Variants in CCDC91 observed in about 807,000 individuals in gnomAD.
The protein encoded by CCDC91 is coiled-coil domain-containing protein 91.
A neutral mutation model predicts 63.2 loss-of-function variants in CCDC91; 48 were observed. The ratio of observed to expected loss-of-function variants is 0.76; its 90% CI spans 0.60 to 0.97. The LOEUF (loss-of-function observed/expected upper bound fraction) is 0.97, where lower values mean the gene tolerates loss of function less well. Ranked by LOEUF, CCDC91 falls within the 50% of genes least tolerant of loss-of-function variation. The probability of loss-of-function intolerance (pLI) is 0.00; values close to 1 mark genes in which losing one functional copy is unlikely to be tolerated. For missense variants in CCDC91, 500 were observed against 494.6 expected, an observed-to-expected ratio of 1.01 and a Z score of -0.10; for synonymous variants, 167 against 165.8, an observed-to-expected ratio of 1.01 and a Z score of -0.06.
intron 3 of CCDC91, among the ~76,000 whole-genome samples, chr12:28,267,407 C>G (rs1279099652): frequency 6.6e-6 from 1 of 150,954 alleles, no homozygotes; most frequent in Non-Finnish European, 1.5e-5. Flanking sequence ...ATTAATGTAA[C>G]TAGTTATTTT....
At chr12:28,274,416 A>G (rs527850425) in intron 3 of CCDC91, among the ~76,000 whole-genome samples, 14 of 152,248 alleles carry the variant, frequency 9.2e-5, no homozygotes, top group South Asian at 4.2e-4. Context: ...CATTGAATCT[A>G]TAAATTACCT....
chr12:28,207,050 G>A (rs533021499), intron 1 of CCDC91, among the ~76,000 whole-genome samples: 3 of 152,350 alleles, frequency 2.0e-5, no homozygotes, highest in Admixed American at 2.0e-4. Context: ...GATTATCCAT[G>A]TATAAGGCTG....
intron 8 of CCDC91, among the ~76,000 whole-genome samples, chr12:28,408,747 A>G (rs1467092836): frequency 6.6e-6 from 1 of 151,884 alleles, no homozygotes; most frequent in Non-Finnish European, 1.5e-5. Context: ...GGTTCATGCA[A>G]TTCTCTTGCC....
chr12:28,445,529 G>A (rs754441499), intron 8 of CCDC91, among the ~76,000 whole-genome samples: 11 of 152,220 alleles, frequency 7.2e-5, no homozygotes, highest in Non-Finnish European at 1.6e-4. Flanking sequence ...CTAGAAAGCT[G>A]TGGGAAATAC....
chr12:28,291,377 G>A lies in CCDC91; in HGVS notation c.110-14272G>A, dbSNP rs145589711. Among the ~76,000 whole-genome samples the A allele has an allele frequency of 8.2e-3, 1,246 of 152,294 alleles. 6 individuals carry two copies. Among genetic ancestry groups the A allele is most frequent in the Non-Finnish European group, 0.011 (766 of 68,028 alleles). ...GCATTGGTTGTGCAACATGTGGTCA[G>A]GCATTGTCATGGACAAGAATTGGGC... On this transcript the variant is annotated intron_variant, in intron 3 of 12. Transcript: ENST00000536442.
At chr12:28,242,558 G>C (rs1182135847) in intron 1 of CCDC91, among the ~76,000 whole-genome samples, 1 of 152,274 alleles carries the variant, frequency 6.6e-6, no homozygotes, top group East Asian at 1.9e-4. Context: ...GGACTTGGAG[G>C]CTCCACCAGT....
At chr12:28,357,670 TG>T (rs1943609933) in intron 6 of CCDC91, among the ~76,000 whole-genome samples, 1 of 152,138 alleles carries the variant, frequency 6.6e-6, no homozygotes, top group South Asian at 2.1e-4. Flanking sequence ...GTGCCCTTAT[TG>T]AACAATACCT....
At position 28,211,762 on chromosome 12, in the gene CCDC91, C is replaced by CT. The variant is rs551753735; in HGVS notation, c.-15+21133dup. ...GTTCTCTTGATTAACTTAGCCAGTT[C>CT]TTTTTTTTTTTTCTTACCTAAGCAC... On this transcript the variant is annotated intron_variant, in intron 1 of 12. Transcript: ENST00000536442. Among the ~76,000 whole-genome samples the CT allele has an allele frequency of 4.4e-3, 637 of 144,934 alleles. 1 individual carries two copies. The highest frequency in any genetic ancestry group is 0.014 in the South Asian group (64 of 4,578).
At chr12:28,441,220 T>C (rs1021364135) in intron 8 of CCDC91, among the ~76,000 whole-genome samples, 51 of 152,072 alleles carry the variant, frequency 3.4e-4, no homozygotes, top group African/African-American at 1.2e-3. Context: ...TCCAGTAAAA[T>C]AGCTAAAATT....
At chr12:28,271,720 A>G (rs1947777677) in intron 3 of CCDC91, among the ~76,000 whole-genome samples, 1 of 151,896 alleles carries the variant, frequency 6.6e-6, no homozygotes, top group South Asian at 2.1e-4. Context: ...TTAACTCACT[A>G]AAACCTGAAA....
rs1027211062 is a variant in CCDC91, at chr12:28,490,566, A to G, written c.1215+6401A>G. Among the ~76,000 whole-genome samples, 6 of 152,016 alleles carry G rather than the reference A, an allele frequency of 3.9e-5. No homozygotes were observed. In the Admixed American group the frequency reaches 3.9e-4, roughly 10 times the overall value. On this transcript the variant is annotated intron_variant, in intron 12 of 12. Coordinates refer to ENST00000536442, the MANE Select transcript of CCDC91 (RefSeq NM_018318.5). The stretch of plus-strand genomic sequence containing the variant: ...AACCATCTTGCCAAATGATGTTTCA[A>G]CTAGGTCACAAATTTATCCTTCTTC...
At chr12:28,337,614 A>G (rs1340797090) in intron 6 of CCDC91, among the ~76,000 whole-genome samples, 3 of 151,990 alleles carry the variant, frequency 2.0e-5, no homozygotes, top group African/African-American at 7.2e-5. Flanking sequence ...TGGTTTTATG[A>G]AAGTTTGAAC....
intron 3 of CCDC91, among the ~76,000 whole-genome samples, chr12:28,288,532 C>G (rs1475589737): frequency 6.6e-6 from 1 of 152,182 alleles, no homozygotes; most frequent in African/African-American, 2.4e-5. Context: ...ACCAACCTTG[C>G]ATCCCAGGGA....
chr12:28,513,833 G>A (rs1939642238), intron 12 of CCDC91, among the ~76,000 whole-genome samples: 1 of 151,826 alleles, frequency 6.6e-6, no homozygotes, highest in Admixed American at 6.6e-5. Context: ...GGGTGTATAT[G>A]TACCACATTT....
intron 12 of CCDC91, among the ~76,000 whole-genome samples, chr12:28,525,032 C>T (rs1300675246): frequency 6.6e-6 from 1 of 152,012 alleles, no homozygotes; most frequent in Non-Finnish European, 1.5e-5. Context: ...TTTTATTTAT[C>T]GTTTCAAAGA....
rs554533899 is a variant in CCDC91 at position 28,512,285 on chromosome 12, T to C, written c.1215+28120T>C. 2.2e-4 allele frequency among the ~76,000 whole-genome samples: 33 copies of C among 151,994 alleles called. 1 individual carries two copies. Among genetic ancestry groups the C allele is most frequent in the Admixed American group, 1.2e-3 (18 of 15,230 alleles). On this transcript the variant is annotated intron_variant, in intron 12 of 12. Coordinates refer to ENST00000536442, the MANE Select transcript of CCDC91 (RefSeq NM_018318.5). ...TTTTTCATCAGTTTTTTTTCCCCTT[T>C]TCCCAAGGGAAAAACACCTTAAATC...
chr12:28,479,382 C>A (rs1951313019), intron 11 of CCDC91, among the ~76,000 whole-genome samples: 1 of 151,928 alleles, frequency 6.6e-6, no homozygotes, highest in African/African-American at 2.4e-5. Flanking sequence ...CAAACACCTG[C>A]ATGTTCTCAC....
chr12:28,332,845 A>T (rs1354222174), intron 6 of CCDC91, among the ~76,000 whole-genome samples: 1 of 151,936 alleles, frequency 6.6e-6, no homozygotes, highest in East Asian at 1.9e-4. Context: ...AGCTTATCTA[A>T]CACAAGTGTT....
chr12:28,244,735 G>A (rs1945601067), intron 1 of CCDC91, among the ~76,000 whole-genome samples: 2 of 151,762 alleles, frequency 1.3e-5, no homozygotes, highest in Admixed American at 1.3e-4. Flanking sequence ...GTGTGGGCCA[G>A]TTTGGTCTGT....
Sources: allele counts gnomAD v4.1 joint callset (sites outside exome capture counted in the v4.1 genomes callset), GRCh38; gene constraint gnomAD v4.1.1; transcripts MANE v1.5; gene names NCBI Gene and HGNC (gene_info 2026-07-23, HGNC 2026-07-21).